ABCB5: variants seen among roughly 807,000 people sequenced by gnomAD.
ABCB5 encodes the protein ATP binding cassette subfamily B member 5.
A neutral mutation model predicts 144.2 loss-of-function variants in ABCB5; 155 were observed. That is an observed-to-expected ratio of 1.08 (90% CI 0.94 to 1.23). ABCB5 has a LOEUF of 1.23. Ranked by LOEUF, ABCB5 falls within the 50% of genes most tolerant of loss-of-function variation. The pLI is 0.00. For missense variants in ABCB5, 1,830 were observed against 1,520.8 expected (o/e 1.20, Z -3.38); for synonymous variants, 610 against 528.6 (o/e 1.15, Z -2.11).
chr7:20,682,730 A>T (rs1785869655), intron 15 of ABCB5, among the ~76,000 whole-genome samples: 1 of 152,180 alleles, frequency 6.6e-6, no homozygotes, highest in Non-Finnish European at 1.5e-5. Flanking sequence ...GAATGAAGGG[A>T]TGCACACGTA....
At chr7:20,706,425 A>G (rs1786824696) in intron 20 of ABCB5, among the ~76,000 whole-genome samples, 1 of 152,238 alleles carries the variant, frequency 6.6e-6, no homozygotes, top group South Asian at 2.1e-4. Context: ...CTGAAAAACC[A>G]AATTATACTG....
intron 14 of ABCB5, among the ~76,000 whole-genome samples, chr7:20,671,004 T>C (rs1012839822): frequency 1.3e-5 from 2 of 151,306 alleles, no homozygotes; most frequent in Non-Finnish European, 3.0e-5. Flanking sequence ...ATTCATAAAC[T>C]TGACAATATC....
chr7:20,703,428 T>C (rs1427019881), intron 19 of ABCB5, among the ~76,000 whole-genome samples: 1 of 152,214 alleles, frequency 6.6e-6, no homozygotes, highest in Non-Finnish European at 1.5e-5. Flanking sequence ...CCGAAGCTCA[T>C]GCAGACACCT....
chr7:20,702,705 A>G (rs1190726863), intron 19 of ABCB5, among the ~76,000 whole-genome samples: 5 of 133,660 alleles, frequency 3.7e-5, no homozygotes, highest in South Asian at 2.3e-4. Flanking sequence ...TCTGTCGCCC[A>G]GGCTGGACTG....
At chr7:20,714,820 C>G (rs1181537359) in intron 20 of ABCB5, among the ~76,000 whole-genome samples, 5 of 152,142 alleles carry the variant, frequency 3.3e-5, no homozygotes, top group Non-Finnish European at 7.3e-5. Flanking sequence ...AATAGAGAAG[C>G]CTGTCTCATC....
intron 26 of ABCB5, among the ~76,000 whole-genome samples, chr7:20,751,297 C>G (rs1782920881): frequency 6.6e-6 from 1 of 152,026 alleles, no homozygotes; most frequent in Admixed American, 6.5e-5. Context: ...ATGGTGAAAC[C>G]CCGTCTCTAC....
chr7:20,707,964 C>A (rs1225419132), intron 20 of ABCB5, among the ~76,000 whole-genome samples: 1 of 151,892 alleles, frequency 6.6e-6, no homozygotes, highest in Non-Finnish European at 1.5e-5. Flanking sequence ...CTACTATGCC[C>A]AGCTAATTTT....
intron 14 of ABCB5, among the ~76,000 whole-genome samples, chr7:20,679,603 A>T (rs1324892593): frequency 6.6e-6 from 1 of 150,904 alleles, no homozygotes; most frequent in Non-Finnish European, 1.5e-5. Flanking sequence ...AATTGAAAAG[A>T]AAAATACAGT....
At chr7:20,709,946 G>A (rs12674332) in intron 20 of ABCB5, among the ~76,000 whole-genome samples, 2 of 147,402 alleles carry the variant, frequency 1.4e-5, no homozygotes, top group Non-Finnish European at 3.0e-5. Flanking sequence ...GTGGTGGTGG[G>A]TGCCTGTAAT....
chr7:20,710,867 T>C (rs1357219525), intron 20 of ABCB5, among the ~76,000 whole-genome samples: 4 of 150,210 alleles, frequency 2.7e-5, no homozygotes, highest in Non-Finnish European at 5.9e-5. Flanking sequence ...TTTTCTGCCT[T>C]CTTTTGGATT....
chr7:20,670,403 A>G (rs1785424657), intron 14 of ABCB5, among the ~76,000 whole-genome samples: 1 of 151,562 alleles, frequency 6.6e-6, no homozygotes, highest in Admixed American at 6.6e-5. Flanking sequence ...AAAAAGGTTG[A>G]CGTTAACAGC....
At chr7:20,619,744 C>A (rs886149826) in intron 1 of ABCB5, among the ~76,000 whole-genome samples, 4 of 152,144 alleles carry the variant, frequency 2.6e-5, no homozygotes, top group African/African-American at 9.7e-5. Context: ...GCTGTATATT[C>A]TTTGCCAAGG....
chr7:20,621,034 T>A (rs1000324532), intron 1 of ABCB5, among the ~76,000 whole-genome samples: 2 of 152,118 alleles, frequency 1.3e-5, no homozygotes, highest in Non-Finnish European at 2.9e-5. Context: ...AAAAATGTAC[T>A]ATATATGTGC....
chr7:20,645,764 C>T lies in ABCB5; in HGVS notation c.687C>T (p.Ile229=), dbSNP rs1583389589. The change falls in exon 8 of 28, where the codon ATC becomes ATT. Residue 229 remains isoleucine (I), a synonymous_variant. Coordinates refer to ENST00000404938, the MANE Select transcript of ABCB5 (RefSeq NM_001163941.2). ...ASAAACSRMV[I]SLTSKELSAY... is the part of the protein sequence containing the mutation. Reference sequence around the variant, plus strand: ...GTTGTGGTTTATTACAGATGGTCATCTCATTGACCAGTAAGGAATTAAGTG... The same window carrying T: ...GTTGTGGTTTATTACAGATGGTCATTTCATTGACCAGTAAGGAATTAAGTG... The T allele has an allele frequency of 2.5e-6, 4 of 1,613,560 alleles. No individual in the cohort carries two copies. The Admixed American group carries it at 6.7e-5, about 27-fold the overall frequency.
intron 20 of ABCB5, among the ~76,000 whole-genome samples, chr7:20,717,016 C>T (rs1781695073): frequency 6.6e-6 from 1 of 152,146 alleles, no homozygotes; most frequent in African/African-American, 2.4e-5. Flanking sequence ...ACTTACCCGA[C>T]CTGAACGCCA....
intron 14 of ABCB5, among the ~76,000 whole-genome samples, chr7:20,679,355 G>A (rs1583419741): frequency 6.6e-6 from 1 of 151,874 alleles, no homozygotes; most frequent in Middle Eastern, 3.4e-3. Flanking sequence ...TGTAATGCCA[G>A]CTACTCTGGA....
chr7:20,633,799 C>A (rs1353747593), intron 5 of ABCB5, among the ~76,000 whole-genome samples: 1 of 152,066 alleles, frequency 6.6e-6, no homozygotes, highest in Non-Finnish European at 1.5e-5. Flanking sequence ...TCTCTAGTAT[C>A]CTCTGTTCTT....
intron 14 of ABCB5, among the ~76,000 whole-genome samples, chr7:20,680,043 G>A (rs1785738143): frequency 6.6e-6 from 1 of 152,088 alleles, no homozygotes; most frequent in South Asian, 2.1e-4. Flanking sequence ...AATAAGTTGT[G>A]GTATAGTCAC....
chr7:20,617,240 T>A (rs1421243449), intron 1 of ABCB5, among the ~76,000 whole-genome samples: 1 of 152,156 alleles, frequency 6.6e-6, no homozygotes, highest in African/African-American at 2.4e-5. Context: ...ATAGAATGAG[T>A]AAATTTTTTT....
Sources: gnomAD v4.1 joint callset for allele counts (sites outside exome capture counted in the v4.1 genomes callset) on GRCh38, gnomAD v4.1.1 for gene constraint, MANE v1.5 for transcripts, NCBI Gene and HGNC (gene_info 2026-07-23, HGNC 2026-07-21) for gene names.